The following FASN variants were observed in gnomAD, a reference collection of about 807,000 sequenced individuals.
FASN encodes 3-hydroxyacyl-[acyl-carrier-protein] dehydratase.
FASN carries 50 observed loss-of-function variants against 250.0 expected under a neutral mutation model. The ratio of observed to expected loss-of-function variants is 0.20; its 90% CI spans 0.16 to 0.25. The LOEUF (loss-of-function observed/expected upper bound fraction) is 0.25. FASN is among the 10% of genes least tolerant of loss of function. FASN has a pLI of 1.00. For synonymous variants in FASN, 1,909 were observed against 1,584.0 expected, an observed-to-expected ratio of 1.21 and a Z score of -4.87; for missense variants, 3,031 against 3,498.5, an observed-to-expected ratio of 0.87 and a Z score of 3.37.
In FASN at chr17:82,079,432, G is replaced by A. The variant is rs1417348962; in HGVS notation, c.7323C>T (p.Gly2441=). ...EQYTPKAKYH[G]NVMLLRAKTG... is the part of the protein sequence containing the mutation. ...TCTTGGCGCGCAGTAGCATCACGTT[G>A]CCATGGTACTTGGCCTTGGGTGTGT... The change falls in exon 42 of 43, where the codon GGC becomes GGT. Residue 2441 remains glycine, a synonymous_variant. Transcript: ENST00000306749. 1.2e-6 allele frequency: 2 copies of A among 1,612,934 alleles called. No individual in the cohort carries two copies. The highest frequency in any genetic ancestry group is 2.2e-5 in the East Asian group (1 of 44,898).
Position 82,084,792 on chromosome 17 carries a change from G to C in FASN, c.4564+7C>G. 1 of 1,550,120 alleles carries C rather than the reference G, an allele frequency of 6.5e-7. No individual in the cohort carries two copies. The highest frequency in any genetic ancestry group is 8.7e-7 in the Non-Finnish European group (1 of 1,146,996). ...CCGGGAGGGGCAGGGCAGTGTCGGG[G>C]GCTCACCCTCCTCCAGCAGGAAGTG... On this transcript the variant is annotated splice_region_variant and intron_variant, in intron 26 of 42. Transcript: ENST00000306749.
At position 82,095,181 on chromosome 17, in the gene FASN, T is replaced by C. The variant is rs2034283185; in HGVS notation, c.280+139A>G. 4 of 1,062,414 alleles carry C rather than the reference T, an allele frequency of 3.8e-6. No homozygotes were observed. In the Admixed American group the frequency reaches 5.2e-5, roughly 14 times the overall value. The allele number at this position is 1,062,414 out of a possible 1,614,324, so 65.8% of individuals were successfully genotyped here. A position where few individuals can be genotyped will look rare whatever the true frequency, so the allele number is the denominator to read the frequency against. On this transcript the variant is annotated intron_variant, in intron 3 of 42. Transcript: ENST00000306749. ...CGTGGCCCACACCTCCCTGAGCCCG[T>C]TGGCCAGGCCAGGGGCACAGCCGGG...
At position 82,082,656 on chromosome 17, in the gene FASN, G is replaced by A. The variant is rs747571727; in HGVS notation, c.5790C>T (p.Arg1930=). 1.2e-6 allele frequency: 2 copies of A among 1,610,088 alleles called. No individual in the cohort carries two copies. Among genetic ancestry groups the A allele is most frequent in the East Asian group, 4.5e-5 (2 of 44,878 alleles). ...IRTGYQAKQV[R]RWRRQGVQVQ... ...CCTGTACGCCCTGGCGCCTCCACCG[G>A]CGGACCTGCTTGGCCTGGTAGCCTG... Residue 1930 remains arginine, a synonymous_variant, in exon 34 of 43, where the codon CGC becomes CGT. Transcript: ENST00000306749.
In FASN at chr17:82,089,350, T is replaced by C; in HGVS notation, c.2000A>G (p.Lys667Arg). 9.3e-6 allele frequency: 15 copies of C among 1,612,810 alleles called. No individual in the cohort carries two copies. Among genetic ancestry groups the C allele is most frequent in the Non-Finnish European group, 1.3e-5 (15 of 1,179,980 alleles). The change falls in exon 13 of 43, where the codon AAG (lysine) becomes AGG (arginine). Residue 667 changes from lysine (K) to arginine (R), a missense_variant. Lys to Arg is a conservative substitution (Grantham distance 26). Coordinates refer to ENST00000306749, the MANE Select transcript of FASN (RefSeq NM_004104.5). ...PVFEFVEQLRKEGVFAKEVRT... is the reference protein window; with the variant it reads ...PVFEFVEQLRREGVFAKEVRT... ...CACCTCCTTGGCAAACACACCCTCC[T>C]TCCTCAGCTGCTCCACGAACTCAAA...
chr17:82,079,794 C>A, intron 41 of FASN, 186 bp from the exon 42 acceptor site: 2 of 813,720 alleles, frequency 2.5e-6, no homozygotes, highest in Non-Finnish European at 3.8e-6. Flanking sequence ...CTCCTCCCTC[C>A]GCAACCTCCA....
Position 82,087,594 on chromosome 17 carries a change from G to C in FASN, c.3044-90C>G. ...ACCGGGCCCCTCTGCTCCCTCCCAAGCTGCATGCCTAGCTGTGGGTGCCCT... is the reference window on the plus strand; with the variant it reads ...ACCGGGCCCCTCTGCTCCCTCCCAACCTGCATGCCTAGCTGTGGGTGCCCT... On this transcript the variant is annotated intron_variant, in intron 19 of 42. Transcript: ENST00000306749. The C allele has an allele frequency of 2.5e-6, 4 of 1,600,532 alleles. No homozygotes were observed. In the East Asian group the frequency reaches 6.7e-5, roughly 27 times the overall value.
intron 3 of FASN, 67 bp downstream of exon 3, chr17:82,095,252 GA>G: frequency 6.4e-7 from 1 of 1,561,188 alleles, no homozygotes. Context: ...ACCAAGAAGA[GA>G]AAACACTGCC....
rs1489767204 is a variant in FASN, at chr17:82,089,698, G to A, written c.1899C>T (p.Arg633=). 6.3e-7 allele frequency: 1 copy of A among 1,589,366 alleles called. No individual in the cohort carries two copies. Among genetic ancestry groups the A allele is most frequent in the Admixed American group, 1.8e-5 (1 of 55,880 alleles). ...AGGCGGGCACCACGCCCGGGGGGCAGCGCTGTTTACACTCCTCCCAGGACA... is the reference window on the plus strand; with the variant it reads ...AGGCGGGCACCACGCCCGGGGGGCAACGCTGTTTACACTCCTCCCAGGACA... The part of the protein sequence containing the change: ...VGLSWEECKQ[R]CPPGVVPACH... Residue 633 remains arginine, a synonymous_variant, in exon 12 of 43, where the codon CGC becomes CGT. Coordinates refer to ENST00000306749, the MANE Select transcript of FASN (RefSeq NM_004104.5).
rs2144816604 is a variant in FASN at position 82,098,233 on chromosome 17, G to C, written c.-120C>G. 2.7e-6 allele frequency: 1 copy of C among 369,880 alleles called. No homozygotes were observed. Among genetic ancestry groups the C allele is most frequent in the East Asian group, 3.9e-5 (1 of 25,638 alleles). The allele number at this position is 369,880 out of a possible 1,614,324, so 22.9% of individuals were successfully genotyped here. ...GGCCGGGGCCGCTGCCGTCTCTCTG[G>C]CTCCCTCTAGGCCGGCGCCGACGCT... On this transcript the variant is annotated 5_prime_UTR_variant, in exon 1 of 43. Coordinates refer to ENST00000306749, the MANE Select transcript of FASN (RefSeq NM_004104.5).
At position 82,084,331 on chromosome 17, in the gene FASN, C is replaced by A. The variant is rs201286356; in HGVS notation, c.4822G>T (p.Ala1608Ser). 2 of 1,609,098 alleles carry A rather than the reference C, an allele frequency of 1.2e-6. No homozygotes were observed. The highest frequency in any genetic ancestry group is 2.2e-5 in the East Asian group (1 of 44,672). Residue 1608 changes from alanine (A) to serine (S), a missense_variant, in exon 28 of 43, where the codon GCC becomes TCC. Ala to Ser is a moderately conservative substitution (Grantham distance 99, BLOSUM62 1). Transcript: ENST00000306749. The stretch of plus-strand genomic sequence containing the variant: ...AGTCCCATCACACGCTTGCCGCTGG[C>A]GTCTCGGCCCGAGAACTCCATACCT... ...LLGMEFSGRD[A>S]SGKRVMGLVP...
intron 5 of FASN, 58 bp from the exon 6 acceptor site, chr17:82,093,077 C>T (rs1158404819): frequency 8.7e-6 from 14 of 1,604,182 alleles, no homozygotes; most frequent in Non-Finnish European, 1.2e-5. Flanking sequence ...CCCACCCCAC[C>T]AGGAGGAGCT....
At position 82,095,485 on chromosome 17, in the gene FASN, C is replaced by T. The variant is rs756969108; in HGVS notation, c.128-13G>A. ...AGGCCGTAGAGCCCTGTGGGACAGG[C>T]GGGTGTTTAAATCTCTGACGGAAGC... On this transcript the variant is annotated splice_polypyrimidine_tract_variant and intron_variant, in intron 2 of 42. Coordinates refer to ENST00000306749, the MANE Select transcript of FASN (RefSeq NM_004104.5). The T allele has an allele frequency of 5.2e-5, 84 of 1,610,998 alleles. No homozygotes were observed. Among genetic ancestry groups the T allele is most frequent in the South Asian group, 3.5e-4 (32 of 91,032 alleles).
chr17:82,094,566 G>A (rs575983127), intron 3 of FASN, among the ~76,000 whole-genome samples: 1 of 152,126 alleles, frequency 6.6e-6, no homozygotes, highest in Admixed American at 6.5e-5. Flanking sequence ...TGAGATGGAT[G>A]GATCACGAGG....
intron 12 of FASN, 68 bp from the exon 13 acceptor site, chr17:82,089,452 C>T (rs983713071): frequency 2.1e-5 from 33 of 1,609,366 alleles, no homozygotes; most frequent in East Asian, 6.7e-5. Context: ...AGAGGTAGGG[C>T]GCACCCACCT....
intron 4 of FASN, 46 bp downstream of exon 4, chr17:82,093,552 G>T (rs765837040): frequency 6.2e-7 from 1 of 1,611,478 alleles, no homozygotes; most frequent in East Asian, 2.2e-5. Context: ...CAGCATGTGG[G>T]GACCTGAAGG....
intron 37 of FASN, 59 bp downstream of exon 37, chr17:82,081,542 C>T (rs1171215575): frequency 6.2e-7 from 1 of 1,605,836 alleles, no homozygotes; most frequent in African/African-American, 1.3e-5. Flanking sequence ...CTGCTATGTC[C>T]CAAGACCCTG....
At chr17:82,093,091 G>A (rs2034242260) in intron 5 of FASN, 72 bp from the exon 6 acceptor site, 11 of 1,593,930 alleles carry the variant, frequency 6.9e-6, no homozygotes, top group South Asian at 2.2e-5. Context: ...AGGAGCTCTG[G>A]GGTGTGGGGT....
Position 82,081,601 on chromosome 17 carries a change from C to T in FASN, c.6406G>A (p.Gly2136Ser), listed in dbSNP as rs750332110. 1.9e-6 allele frequency: 3 copies of T among 1,612,330 alleles called. No homozygotes were observed. Among genetic ancestry groups the T allele is most frequent in the Non-Finnish European group, 2.5e-6 (3 of 1,179,988 alleles). Residue 2136 changes from glycine (G) to serine (S), a missense_variant and splice_region_variant, in exon 37 of 43, where the codon GGC becomes AGC. Transcript: ENST00000306749. ...CGCGGCTCCTACTGGGAGTGCTCAC[C>T]CAGGATGTGTGCCACGGCCTCCACC... ...DLVEAVAHILGIRDLAAVNLD... is the reference protein window; with the variant it reads ...DLVEAVAHILSIRDLAAVNLD...
rs377195488 is a variant in FASN, at chr17:82,085,637, C to G, written c.3967G>C (p.Gly1323Arg). Reference protein sequence around the residue: ...LVCNCAVAALGDPASALSNMV... With the variant: ...LVCNCAVAALRDPASALSNMV... ...TTGCTGAGAGCTGAGGCCGGGTCCC[C>G]GAGGGCAGCCACAGCACAGTTGCAC... The change falls in exon 23 of 43, where the codon GGG becomes CGG. Residue 1323 changes from glycine (G) to arginine (R), a missense_variant. Gly to Arg is a moderately radical substitution (Grantham distance 125). Transcript: ENST00000306749. 2 of 1,595,102 alleles carry G rather than the reference C, an allele frequency of 1.3e-6. No individual in the cohort carries two copies. The highest frequency in any genetic ancestry group is 3.5e-5 in the Admixed American group (2 of 57,722).
Sources: gnomAD v4.1 joint callset for allele counts (sites outside exome capture counted in the v4.1 genomes callset) on GRCh38, gnomAD v4.1.1 for gene constraint, MANE v1.5 for transcripts, NCBI Gene and HGNC (gene_info 2026-07-23, HGNC 2026-07-21) for gene names.